KCNH7: variants seen among roughly 807,000 people sequenced by gnomAD.
KCNH7 encodes the protein voltage-gated inwardly rectifying potassium channel KCNH7.
KCNH7 carries 49 observed loss-of-function variants against 120.8 expected under a neutral mutation model. That is an observed-to-expected ratio of 0.41 (90% CI 0.32 to 0.51). The LOEUF is 0.51. Ranked by LOEUF, KCNH7 falls within the 20% of genes least tolerant of loss-of-function variation. The pLI, the probability that KCNH7 is intolerant of heterozygous loss-of-function variation, is 0.38. For missense variants in KCNH7, 1,097 were observed against 1,446.6 expected, an observed-to-expected ratio of 0.76 and a Z score of 3.92; for synonymous variants, 547 against 516.1, an observed-to-expected ratio of 1.06 and a Z score of -0.81.
chr2:162,801,624 C>G (rs1470314309), intron 2 of KCNH7, among the ~76,000 whole-genome samples: 2 of 151,818 alleles, frequency 1.3e-5, no homozygotes, highest in Admixed American at 1.3e-4. Flanking sequence ...GCTAATATCA[C>G]ATTCAGCAAC....
chr2:162,587,499 C>T (rs1385865), intron 2 of KCNH7, among the ~76,000 whole-genome samples: 96,487 of 151,874 alleles, frequency 0.64, 32,298 homozygotes, highest in African/African-American at 0.84. Flanking sequence ...TGTGAAGCCT[C>T]TGTCCTTATA....
At chr2:162,628,583 T>C (rs1683641589) in intron 2 of KCNH7, among the ~76,000 whole-genome samples, 1 of 152,110 alleles carries the variant, frequency 6.6e-6, no homozygotes. Flanking sequence ...CCTGATCCTC[T>C]CCTTCATCCC....
chr2:162,624,889 G>GTTTTT (rs66562676), intron 2 of KCNH7, among the ~76,000 whole-genome samples: 65 of 69,724 alleles, frequency 9.3e-4, no homozygotes, highest in East Asian at 2.1e-3. Flanking sequence ...TGCACTCTTG[G>GTTTTT]TTTTTTTTTT....
chr2:162,568,759 A>G (rs1371056421), intron 2 of KCNH7, among the ~76,000 whole-genome samples: 1 of 152,128 alleles, frequency 6.6e-6, no homozygotes, highest in East Asian at 1.9e-4. Flanking sequence ...AAAAGAATGC[A>G]AACTTTTTAA....
chr2:162,818,339 T>C (rs1358479982), intron 2 of KCNH7, among the ~76,000 whole-genome samples: 1 of 152,026 alleles, frequency 6.6e-6, no homozygotes. Context: ...TTCCAGTTAA[T>C]CTAGCTCATT....
At chr2:162,782,424 AT>A (rs1355739185) in intron 2 of KCNH7, among the ~76,000 whole-genome samples, 1 of 152,190 alleles carries the variant, frequency 6.6e-6, no homozygotes, top group Non-Finnish European at 1.5e-5. Context: ...TCATGTGGCT[AT>A]TTTGGAGAAA....
intron 8 of KCNH7, among the ~76,000 whole-genome samples, chr2:162,427,704 A>G (rs1324679439): frequency 6.6e-6 from 1 of 151,800 alleles, no homozygotes; most frequent in Non-Finnish European, 1.5e-5. Context: ...ATTTTGATGA[A>G]ATCCAATTTA....
chr2:162,516,653 G>T (rs1432107954), intron 4 of KCNH7, among the ~76,000 whole-genome samples: 1 of 151,696 alleles, frequency 6.6e-6, no homozygotes, highest in African/African-American at 2.4e-5. Flanking sequence ...AAATCTATGG[G>T]AATCTGGAAA....
At position 162,371,478 on chromosome 2, in the gene KCNH7, G is replaced by A; in HGVS notation, c.*351C>T. On this transcript the variant is annotated 3_prime_UTR_variant, in exon 16 of 16. Transcript: ENST00000332142. ...TATCCCTTGGTTTCTTATTTGCGTG[G>A]AAGGCATTTTCATAACGAAGTACTG... The A allele has an allele frequency of 8.0e-7, 1 of 1,254,840 alleles. No homozygotes were observed. The highest frequency in any genetic ancestry group is 1.0e-6 in the Non-Finnish European group (1 of 971,816). 77.7% of individuals were successfully genotyped at this position (1,254,840 alleles called of 1,614,324 possible).
intron 2 of KCNH7, among the ~76,000 whole-genome samples, chr2:162,704,251 G>A (rs1297436435): frequency 2.0e-5 from 3 of 152,038 alleles, no homozygotes; most frequent in Non-Finnish European, 2.9e-5. Flanking sequence ...AAATGTACCT[G>A]TTCCAGAGTG....
intron 9 of KCNH7, among the ~76,000 whole-genome samples, chr2:162,415,035 C>T (rs1010315412): frequency 1.3e-4 from 20 of 151,752 alleles, no homozygotes; most frequent in Non-Finnish European, 2.4e-4. Context: ...TAAATCATGC[C>T]GTATATTTAA....
intron 2 of KCNH7, among the ~76,000 whole-genome samples, chr2:162,613,111 A>G (rs1683024344): frequency 6.6e-6 from 1 of 152,040 alleles, no homozygotes. Flanking sequence ...GGATACTCAG[A>G]TTGAGGGAGG....
intron 2 of KCNH7, among the ~76,000 whole-genome samples, chr2:162,564,192 C>A (rs1025216964): frequency 6.6e-6 from 1 of 151,984 alleles, no homozygotes; most frequent in East Asian, 1.9e-4. Context: ...TCTATTTCCA[C>A]CCCTCCATTA....
chr2:162,588,310 T>C, intron 2 of KCNH7, among the ~76,000 whole-genome samples: 1 of 152,170 alleles, frequency 6.6e-6, no homozygotes, highest in East Asian at 1.9e-4. Context: ...TATCTTCATG[T>C]AATAAGTTCT....
At chr2:162,699,528 G>A (rs1232214104) in intron 2 of KCNH7, among the ~76,000 whole-genome samples, 1 of 152,016 alleles carries the variant, frequency 6.6e-6, no homozygotes, top group East Asian at 1.9e-4. Flanking sequence ...CTTTTTTGTT[G>A]TTATGCTTTA....
At chr2:162,826,220 A>G (rs765464635) in intron 2 of KCNH7, among the ~76,000 whole-genome samples, 2 of 152,160 alleles carry the variant, frequency 1.3e-5, no homozygotes, top group Non-Finnish European at 2.9e-5. Flanking sequence ...AGAAAAATAC[A>G]TCAGCATAAT....
intron 13 of KCNH7, among the ~76,000 whole-genome samples, chr2:162,381,294 C>A (rs1184645563): frequency 2.6e-5 from 4 of 152,028 alleles, no homozygotes; most frequent in Non-Finnish European, 5.9e-5. Context: ...GAATTCTTGG[C>A]TATTTTAAAA....
At chr2:162,732,697 A>G (rs1687772705) in intron 2 of KCNH7, among the ~76,000 whole-genome samples, 1 of 152,186 alleles carries the variant, frequency 6.6e-6, no homozygotes, top group African/African-American at 2.4e-5. Context: ...ATCTGTCTCA[A>G]AGGATTACTG....
At position 162,775,094 on chromosome 2, in the gene KCNH7, C is replaced by T. The variant is rs370001512; in HGVS notation, c.307+61443G>A. Reference sequence around the variant, plus strand: ...AGGAGTGAATGAACATTCGAAAGCTCTTAATACATATAACCATATTGTTTG... The same window carrying T: ...AGGAGTGAATGAACATTCGAAAGCTTTTAATACATATAACCATATTGTTTG... On this transcript the variant is annotated intron_variant, in intron 2 of 15. Coordinates refer to ENST00000332142, the MANE Select transcript of KCNH7 (RefSeq NM_033272.4). Among the ~76,000 whole-genome samples, 9 of 152,128 alleles carry T rather than the reference C, an allele frequency of 5.9e-5. No homozygotes were observed. In the East Asian group the frequency reaches 9.6e-4, roughly 16 times the overall value.
Sources: allele counts gnomAD v4.1 joint callset (sites outside exome capture counted in the v4.1 genomes callset), GRCh38; gene constraint gnomAD v4.1.1; transcripts MANE v1.5; gene names NCBI Gene and HGNC (gene_info 2026-07-23, HGNC 2026-07-21).